The following TMEM150C variants were observed in gnomAD, a reference collection of about 807,000 sequenced individuals.
The protein encoded by TMEM150C is transmembrane protein 150C.
TMEM150C carries 10 observed loss-of-function variants against 29.9 expected under a neutral mutation model. The ratio of observed to expected loss-of-function variants is 0.33; its 90% CI spans 0.21 to 0.57. The LOEUF (loss-of-function observed/expected upper bound fraction) is 0.57. TMEM150C is among the 20% of genes least tolerant of loss of function. TMEM150C has a pLI of 0.88. For synonymous variants in TMEM150C, 101 were observed against 112.5 expected (o/e 0.90, Z 0.64); for missense variants, 251 against 303.6 (o/e 0.83, Z 1.29).
intron 1 of TMEM150C, among the ~76,000 whole-genome samples, chr4:82,530,918 T>A (rs923883357): frequency 6.6e-6 from 1 of 152,198 alleles, no homozygotes; most frequent in African/African-American, 2.4e-5. Flanking sequence ...CACTTTTAAA[T>A]AACCAGATCT....
chr4:82,496,803 T>TA (rs1723572719), intron 5 of TMEM150C, among the ~76,000 whole-genome samples: 1 of 152,228 alleles, frequency 6.6e-6, no homozygotes, highest in South Asian at 2.1e-4. Context: ...GTTCCTTTAT[T>TA]ACTGGTTTTA....
chr4:82,504,644 T>G lies in TMEM150C; in HGVS notation c.14A>C (p.Lys5Thr). MDGK[K>T]CSVWMFLPLV... ...AGGTAGGAACATCCATACGCTGCAT[T>G]TCTTCCCATCCATGCCTGTACCACT... is the stretch of plus-strand genomic sequence containing the variant. The change falls in exon 2 of 8, where the codon AAA becomes ACA. Residue 5 changes from lysine to threonine, a missense_variant. Transcript: ENST00000449862. 6.2e-7 allele frequency: 1 copy of G among 1,613,648 alleles called. No individual in the cohort carries two copies. The highest frequency in any genetic ancestry group is 1.1e-5 in the South Asian group (1 of 90,984).
chr4:82,544,571 G>A (rs1016330921), intron 1 of TMEM150C, among the ~76,000 whole-genome samples: 3 of 151,384 alleles, frequency 2.0e-5, no homozygotes, highest in Non-Finnish European at 4.4e-5. Flanking sequence ...TTGAGCCCAG[G>A]GGTTCGAGAC....
chr4:82,562,205 C>A, upstream of TMEM150C: 1 of 1,285,930 alleles, frequency 7.8e-7, no homozygotes, highest in Non-Finnish European at 1.0e-6. Context: ...CGCTTCCTTC[C>A]GAAGCCTTTG....
In TMEM150C at chr4:82,505,752, G is replaced by A. The variant is rs191630435; in HGVS notation, c.-10-1085C>T. On this transcript the variant is annotated intron_variant, in intron 1 of 7. Coordinates refer to ENST00000449862, the MANE Select transcript of TMEM150C (RefSeq NM_001080506.3). ...ACTGAAAAAAATACATATGTCTGGC[G>A]TTTTGGAGGTTACAAAAATATAGAA... 1.6e-4 allele frequency among the ~76,000 whole-genome samples: 24 copies of A among 152,164 alleles called. No homozygotes were observed. The East Asian group carries it at 2.9e-3, about 18-fold the overall frequency.
chr4:82,562,073 A>G (rs1725958528), upstream of TMEM150C: 1 of 1,172,394 alleles, frequency 8.5e-7, no homozygotes. Context: ...CCCCCGACTT[A>G]TTCTGGGGTC....
At position 82,499,220 on chromosome 4, in the gene TMEM150C, A is replaced by C. The variant is rs990466782; in HGVS notation, c.236-3025T>G. ...CCTTCCTGAAAAAGACTTACGGGCC[A>C]TTTCAAAGCCATCTTTATATATGCT... On this transcript the variant is annotated intron_variant, in intron 5 of 7. Transcript: ENST00000449862. Among the ~76,000 whole-genome samples the C allele has an allele frequency of 1.6e-4, 24 of 152,336 alleles. 1 individual carries two copies. The highest frequency in any genetic ancestry group is 7.8e-4 in the Admixed American group (12 of 15,310).
intron 1 of TMEM150C, among the ~76,000 whole-genome samples, chr4:82,523,877 T>C (rs1446832463): frequency 6.7e-6 from 1 of 149,606 alleles, no homozygotes; most frequent in Non-Finnish European, 1.5e-5. Context: ...GGGGGGGGTT[T>C]CACCATGTTG....
chr4:82,556,448 T>C (rs1725739508), intron 1 of TMEM150C, among the ~76,000 whole-genome samples: 1 of 152,224 alleles, frequency 6.6e-6, no homozygotes, highest in South Asian at 2.1e-4. Flanking sequence ...CCTAACCTGC[T>C]CAATTGATTT....
At chr4:82,513,021 C>T (rs1724177515) in intron 1 of TMEM150C, among the ~76,000 whole-genome samples, 2 of 152,202 alleles carry the variant, frequency 1.3e-5, no homozygotes, top group South Asian at 2.1e-4. Flanking sequence ...CTTCAGCAGA[C>T]TTAAATGTTC....
At chr4:82,551,249 C>A (rs990260687) in intron 1 of TMEM150C, among the ~76,000 whole-genome samples, 3 of 152,134 alleles carry the variant, frequency 2.0e-5, no homozygotes, top group African/African-American at 7.2e-5. Context: ...AAATTCTTTA[C>A]CATGATTTTT....
intron 1 of TMEM150C, among the ~76,000 whole-genome samples, chr4:82,508,090 G>A (rs1428966322): frequency 6.6e-6 from 1 of 151,968 alleles, no homozygotes; most frequent in Non-Finnish European, 1.5e-5. Flanking sequence ...TCTTTTTCTT[G>A]CATCCTTCCA....
At chr4:82,542,584 G>A (rs1027603588) in intron 1 of TMEM150C, among the ~76,000 whole-genome samples, 9 of 152,144 alleles carry the variant, frequency 5.9e-5, no homozygotes, top group African/African-American at 1.9e-4. Context: ...AACCAGTGTG[G>A]AAACTAGTAC....
Position 82,483,704 on chromosome 4 carries a change from A to T in TMEM150C, c.*1807T>A, listed in dbSNP as rs1723067448. ...AGTATGTGCCAGGCACTGTGTTAAG[A>T]GGTGGGGAACAATACAGAGATGAAA... is the stretch of plus-strand genomic sequence containing the variant. On this transcript the variant is annotated 3_prime_UTR_variant, in exon 8 of 8. Transcript: ENST00000449862. 1 of 152,084 alleles carries T rather than the reference A, an allele frequency of 6.6e-6. No homozygotes were observed. Among genetic ancestry groups the T allele is most frequent in the South Asian group, 2.1e-4 (1 of 4,834 alleles). The allele number at this position is 152,084 out of a possible 1,614,324, so 9.4% of individuals were successfully genotyped here.
chr4:82,555,956 C>T (rs772538431), intron 1 of TMEM150C, among the ~76,000 whole-genome samples: 2 of 152,136 alleles, frequency 1.3e-5, no homozygotes, highest in African/African-American at 2.4e-5. Flanking sequence ...CATCATGAAC[C>T]GGTATACACA....
rs77951999 is a variant in TMEM150C, at chr4:82,557,756, T to C, written c.-11+4150A>G. Among the ~76,000 whole-genome samples, 202 of 147,644 alleles carry C rather than the reference T, an allele frequency of 1.4e-3. 6 individuals are homozygous for C. The East Asian group carries it at 0.033, about 24-fold the overall frequency. ...TTTCTTTTTTTTTTTTTTTTTGATA[T>C]GGAGTCTAGCTCTGTCGCCCAGGCT... is the stretch of plus-strand genomic sequence containing the variant. On this transcript the variant is annotated intron_variant, in intron 1 of 7. Transcript: ENST00000449862.
intron 1 of TMEM150C, among the ~76,000 whole-genome samples, chr4:82,544,907 C>A (rs1381213859): frequency 6.6e-6 from 1 of 151,742 alleles, no homozygotes; most frequent in Non-Finnish European, 1.5e-5. Context: ...ATGAAAAAAG[C>A]CCCAAAAATC....
At chr4:82,504,348 C>A (rs920069292) in intron 2 of TMEM150C, among the ~76,000 whole-genome samples, 1 of 152,042 alleles carries the variant, frequency 6.6e-6, no homozygotes, top group Non-Finnish European at 1.5e-5. Context: ...GGATTACAGG[C>A]GTGTGCCATC....
At chr4:82,522,756 A>G (rs553452937) in intron 1 of TMEM150C, among the ~76,000 whole-genome samples, 91 of 152,336 alleles carry the variant, frequency 6.0e-4, no homozygotes, top group African/African-American at 2.0e-3. Flanking sequence ...GTGGGAATCT[A>G]TAGCCAAGGA....
Sources: allele counts gnomAD v4.1 joint callset (sites outside exome capture counted in the v4.1 genomes callset), GRCh38; gene constraint gnomAD v4.1.1; transcripts MANE v1.5; gene names NCBI Gene and HGNC (gene_info 2026-07-23, HGNC 2026-07-21).